The following CHRM3 variants were observed in gnomAD, a reference collection of about 807,000 sequenced individuals.
The protein encoded by CHRM3 is cholinergic receptor muscarinic 3.
A neutral mutation model predicts 41.8 loss-of-function variants in CHRM3; 11 were observed. The ratio of observed to expected loss-of-function variants is 0.26; its 90% confidence interval spans 0.17 to 0.44. The LOEUF is 0.44. CHRM3 is among the 20% of genes least tolerant of loss of function. The pLI, the probability that CHRM3 is intolerant of heterozygous loss-of-function variation, is 1.00. For missense variants in CHRM3, 571 were observed against 745.4 expected (o/e 0.77, Z 2.72); for synonymous variants, 297 against 301.4 (o/e 0.99, Z 0.15).
At chr1:239,702,373 G>A (rs1376218083) in intron 5 of CHRM3, among the ~76,000 whole-genome samples, 2 of 152,060 alleles carry the variant, frequency 1.3e-5, no homozygotes, top group Non-Finnish European at 2.9e-5. Context: ...TGTAAGTTCT[G>A]GTTTTGCAAA....
At chr1:239,401,867 G>T (rs1660006126) in intron 1 of CHRM3, among the ~76,000 whole-genome samples, 1 of 152,138 alleles carries the variant, frequency 6.6e-6, no homozygotes. Flanking sequence ...AATCTGAAAA[G>T]GTTGAATGCC....
intron 1 of CHRM3, among the ~76,000 whole-genome samples, chr1:239,477,205 C>G (rs1666525318): frequency 6.6e-6 from 1 of 152,126 alleles, no homozygotes; most frequent in African/African-American, 2.4e-5. Context: ...ATGAAGTGAG[C>G]AAGATATTTG....
intron 1 of CHRM3, among the ~76,000 whole-genome samples, chr1:239,453,315 C>A (rs535515847): frequency 6.6e-6 from 1 of 152,282 alleles, no homozygotes; most frequent in East Asian, 1.9e-4. Flanking sequence ...TTTATCTATG[C>A]AAAATAATAG....
rs542636151 is a variant in CHRM3 at position 239,504,788 on chromosome 1, T to C, written c.-422+11981T>C. On this transcript the variant is annotated intron_variant, in intron 2 of 6. Coordinates refer to ENST00000676153, the MANE Select transcript of CHRM3 (RefSeq NM_001375978.1). ...TGACCTGGATGAGATTGGAGACTAT[T>C]ATTCTAAGTGAAGTAACTCAGGAAT... 2.6e-5 allele frequency among the ~76,000 whole-genome samples: 4 copies of C among 152,316 alleles called. No individual in the cohort carries two copies. In the East Asian group the frequency reaches 5.8e-4, roughly 22 times the overall value.
Position 239,797,319 on chromosome 1 carries a change from G to C in CHRM3, c.-146-29933G>C, listed in dbSNP as rs778821003. ...CAGCATCACGCAATATATCCAGGTA[G>C]CAAACCTGCACATGTACCCCTGACT... On this transcript the variant is annotated intron_variant, in intron 5 of 6. Coordinates refer to ENST00000676153, the MANE Select transcript of CHRM3 (RefSeq NM_001375978.1). 2.6e-5 allele frequency among the ~76,000 whole-genome samples: 4 copies of C among 151,486 alleles called. No homozygotes were observed. The South Asian group carries it at 8.3e-4, about 32-fold the overall frequency.
At chr1:239,700,590 A>C (rs527441079) in intron 5 of CHRM3, among the ~76,000 whole-genome samples, 1 of 152,252 alleles carries the variant, frequency 6.6e-6, no homozygotes, top group Admixed American at 6.5e-5. Flanking sequence ...TTCTCAGTTC[A>C]TCCCCTGTCC....
At chr1:239,566,093 TA>T (rs928680333) in intron 3 of CHRM3, among the ~76,000 whole-genome samples, 70 of 151,920 alleles carry the variant, frequency 4.6e-4, no homozygotes, top group African/African-American at 1.7e-3. Flanking sequence ...TTTTTTTTTT[TA>T]AGTATAGACA....
At chr1:239,449,728 A>G (rs1488839938) in intron 1 of CHRM3, among the ~76,000 whole-genome samples, 1 of 148,236 alleles carries the variant, frequency 6.7e-6, no homozygotes, top group Non-Finnish European at 1.5e-5. Flanking sequence ...GAATTGTCAC[A>G]TTCTGGTGTG....
chr1:239,554,128 A>G (rs1195696911), intron 3 of CHRM3, among the ~76,000 whole-genome samples: 1 of 152,114 alleles, frequency 6.6e-6, no homozygotes, highest in East Asian at 1.9e-4. Flanking sequence ...GCCTCAAGTG[A>G]TCCTCCCACC....
intron 4 of CHRM3, among the ~76,000 whole-genome samples, chr1:239,668,996 C>T (rs532743838): frequency 1.3e-5 from 2 of 152,236 alleles, no homozygotes; most frequent in African/African-American, 2.4e-5. Flanking sequence ...CTTCTTTCTG[C>T]GTCCTTAATC....
intron 5 of CHRM3, among the ~76,000 whole-genome samples, chr1:239,821,768 G>T (rs551413955): frequency 6.6e-6 from 1 of 152,218 alleles, no homozygotes; most frequent in East Asian, 1.9e-4. Flanking sequence ...ATATGGTTTG[G>T]CTGTGTCCCC....
At chr1:239,712,917 C>T (rs902373025) in intron 5 of CHRM3, among the ~76,000 whole-genome samples, 1 of 152,004 alleles carries the variant, frequency 6.6e-6, no homozygotes, top group Non-Finnish European at 1.5e-5. Context: ...TTTAATTTAC[C>T]CAGGATTTAA....
intron 6 of CHRM3, among the ~76,000 whole-genome samples, chr1:239,897,398 G>C (rs1679100053): frequency 6.6e-6 from 1 of 152,108 alleles, no homozygotes. Flanking sequence ...TGTCCTTTCA[G>C]TACCTAAACT....
intron 5 of CHRM3, among the ~76,000 whole-genome samples, chr1:239,723,298 A>C (rs760621055): frequency 5.3e-5 from 8 of 151,962 alleles, no homozygotes; most frequent in Non-Finnish European, 1.2e-4. Flanking sequence ...TAAAATAAGG[A>C]AAAAAATAAA....
Position 239,710,364 on chromosome 1 carries a change from A to T in CHRM3, c.-147+32076A>T, listed in dbSNP as rs115822394. Among the ~76,000 whole-genome samples, 608 of 152,316 alleles carry T rather than the reference A, an allele frequency of 4.0e-3. 6 individuals carry two copies. Among genetic ancestry groups the T allele is most frequent in the African/African-American group, 0.014 (585 of 41,566 alleles). On this transcript the variant is annotated intron_variant, in intron 5 of 6. Coordinates refer to ENST00000676153, the MANE Select transcript of CHRM3 (RefSeq NM_001375978.1). ...GGAAATTGCAAAATTCTCTGATCTA[A>T]GTTGGGCAAATATTTTGTATAATCT...
chr1:239,641,274 A>G (rs1349616978), intron 4 of CHRM3, among the ~76,000 whole-genome samples: 1 of 151,870 alleles, frequency 6.6e-6, no homozygotes, highest in East Asian at 1.9e-4. Context: ...GTAGATGTCT[A>G]TTAGGTCCGC....
intron 5 of CHRM3, chr1:239,704,742 T>C (rs903823274): frequency 3.3e-5 from 5 of 152,154 alleles, no homozygotes; most frequent in African/African-American, 1.2e-4. Flanking sequence ...GAAAGATATA[T>C]TAATATTTAT....
chr1:239,816,732 CTTTT>C (rs11309320), intron 5 of CHRM3, among the ~76,000 whole-genome samples: 8 of 131,534 alleles, frequency 6.1e-5, no homozygotes, highest in Admixed American at 7.8e-5. Context: ...GTGCCTCAGT[CTTTT>C]TTTTTTTTTT....
chr1:239,805,654 G>A (rs942780043), intron 5 of CHRM3, among the ~76,000 whole-genome samples: 3 of 147,770 alleles, frequency 2.0e-5, no homozygotes, highest in East Asian at 2.0e-4. Flanking sequence ...GTGTGTGTGT[G>A]TATACACATC....
Sources: gnomAD v4.1 joint callset for allele counts (sites outside exome capture counted in the v4.1 genomes callset) on GRCh38, gnomAD v4.1.1 for gene constraint, MANE v1.5 for transcripts, NCBI Gene and HGNC (gene_info 2026-07-23, HGNC 2026-07-21) for gene names.